Variants in ZFYVE9 observed in about 807,000 individuals in gnomAD.
The protein encoded by ZFYVE9 is zinc finger FYVE domain-containing protein 9.
ZFYVE9 carries 43 observed loss-of-function variants against 126.7 expected under a neutral mutation model. The ratio of observed to expected loss-of-function variants is 0.34; its 90% CI spans 0.27 to 0.44. ZFYVE9 has a LOEUF of 0.44. Among genes scored for constraint, ZFYVE9 ranks in the 20% least tolerant of loss-of-function variants. The pLI, the probability that ZFYVE9 is intolerant of heterozygous loss-of-function variation, is 1.00. For synonymous variants in ZFYVE9, 521 were observed against 597.4 expected (o/e 0.87, Z 1.87); for missense variants, 1,476 against 1,697.0 (o/e 0.87, Z 2.29).
rs1253931471 is a variant in ZFYVE9, at chr1:52,268,775, G to T, written c.2625+143G>T. The stretch of plus-strand genomic sequence containing the variant: ...GTGCACATATATGGATAAAGTAAAT[G>T]TGGCAAAAATCAGCTGCTGTTCTTT... On this transcript the variant is annotated intron_variant, in intron 7 of 18. Coordinates refer to ENST00000287727, the MANE Select transcript of ZFYVE9 (RefSeq NM_004799.4). 105 of 1,015,014 alleles carry T rather than the reference G, an allele frequency of 1.0e-4. No homozygotes were observed. In the East Asian group the frequency reaches 2.8e-3, roughly 27 times the overall value. The allele number at this position is 1,015,014 out of a possible 1,614,324, so 62.9% of individuals were successfully genotyped here.
At chr1:52,274,659 GA>G in intron 8 of ZFYVE9, 75 bp downstream of exon 8, 1 of 1,426,680 alleles carries the variant, frequency 7.0e-7, no homozygotes, top group Non-Finnish European at 9.4e-7. Flanking sequence ...TAGAGAGACA[GA>G]ATTTGAGTGA....
At chr1:52,321,881 G>T (rs955899003) in intron 13 of ZFYVE9, among the ~76,000 whole-genome samples, 2 of 152,128 alleles carry the variant, frequency 1.3e-5, no homozygotes, top group Admixed American at 6.6e-5. Flanking sequence ...ATTAGTTCTT[G>T]TAAGTCTTAT....
intron 12 of ZFYVE9, among the ~76,000 whole-genome samples, chr1:52,302,926 A>G (rs893111109): frequency 6.6e-6 from 1 of 152,072 alleles, no homozygotes; most frequent in Non-Finnish European, 1.5e-5. Context: ...TCTGGCCAAC[A>G]TGGTGAAACC....
intron 13 of ZFYVE9, among the ~76,000 whole-genome samples, chr1:52,308,732 G>T (rs570005336): frequency 6.6e-6 from 1 of 152,064 alleles, no homozygotes; most frequent in African/African-American, 2.4e-5. Context: ...CTCCCAACTG[G>T]GGTAACTCTA....
chr1:52,230,013 G>T (rs545222058), intron 2 of ZFYVE9, among the ~76,000 whole-genome samples: 1 of 151,988 alleles, frequency 6.6e-6, no homozygotes, highest in Non-Finnish European at 1.5e-5. Context: ...GACTACAGGC[G>T]CTTGCCACCA....
intron 1 of ZFYVE9, among the ~76,000 whole-genome samples, chr1:52,213,293 A>G (rs547069599): frequency 6.6e-6 from 1 of 152,298 alleles, no homozygotes; most frequent in South Asian, 2.1e-4. Flanking sequence ...ACTTTTAAGA[A>G]TGAATGCAAT....
intron 1 of ZFYVE9, among the ~76,000 whole-genome samples, chr1:52,200,803 C>G (rs1174246738): frequency 6.6e-6 from 1 of 152,148 alleles, no homozygotes; most frequent in Non-Finnish European, 1.5e-5. Context: ...CAAAGATCAG[C>G]TGACTATATT....
At chr1:52,342,267 C>CTTTT (rs35283062) in intron 17 of ZFYVE9, among the ~76,000 whole-genome samples, 1 of 133,214 alleles carries the variant, frequency 7.5e-6, no homozygotes, top group Admixed American at 7.9e-5. Flanking sequence ...TATATTTTGC[C>CTTTT]TTTTTTTTTT....
chr1:52,239,236 A>G lies in ZFYVE9; in HGVS notation c.1819A>G (p.Ser607Gly), dbSNP rs1024507881. Residue 607 changes from serine (S) to glycine (G), a missense_variant, in exon 4 of 19, where the codon AGT (serine) becomes GGT (glycine). This residue lies in a region of ZFYVE9 where 807 missense variants were observed against 794.6 expected (regional missense o/e 1.02). Coordinates refer to ENST00000287727, the MANE Select transcript of ZFYVE9 (RefSeq NM_004799.4). ...DHLQNDFPANSGNNTKNKNDI... is the reference protein window; with the variant it reads ...DHLQNDFPANGGNNTKNKNDI... ...TTTACAAAATGACTTTCCTGCAAAC[A>G]GTGGAAATAATACTAAAAATAAAAA... 6.2e-7 allele frequency: 1 copy of G among 1,614,034 alleles called. No individual in the cohort carries two copies. The highest frequency in any genetic ancestry group is 1.3e-5 in the African/African-American group (1 of 74,934).
chr1:52,334,646 C>T, intron 14 of ZFYVE9, 42 bp from the exon 15 acceptor site: 1 of 1,586,996 alleles, frequency 6.3e-7, no homozygotes, highest in Non-Finnish European at 8.6e-7. Context: ...ATCCCTCCAG[C>T]TTAGGGTCTG....
At chr1:52,186,374 G>C (rs1312980030) in intron 1 of ZFYVE9, among the ~76,000 whole-genome samples, 2 of 152,132 alleles carry the variant, frequency 1.3e-5, no homozygotes, top group Admixed American at 1.3e-4. Context: ...ATATTGAATG[G>C]GCAGGAGCTG....
At chr1:52,323,531 C>T (rs1286303586) in intron 13 of ZFYVE9, among the ~76,000 whole-genome samples, 2 of 152,204 alleles carry the variant, frequency 1.3e-5, no homozygotes, top group African/African-American at 4.8e-5. Flanking sequence ...ATACTCAATG[C>T]CCATTGGCTA....
intron 13 of ZFYVE9, among the ~76,000 whole-genome samples, chr1:52,307,514 G>T (rs893896726): frequency 1.3e-5 from 2 of 152,146 alleles, no homozygotes; most frequent in Non-Finnish European, 2.9e-5. Context: ...TAGAATTACA[G>T]GTGTGTGCCA....
intron 17 of ZFYVE9, among the ~76,000 whole-genome samples, chr1:52,342,911 A>AT (rs554181716): frequency 0.078 from 10,847 of 138,416 alleles, 1,113 homozygotes; most frequent in African/African-American, 0.24. Flanking sequence ...AGGCAAATTA[A>AT]TTTTTTTTTT....
rs528497187 is a variant in ZFYVE9, at chr1:52,274,498, A to G, written c.2660A>G (p.Gln887Arg). The part of the protein sequence containing the change: ...DICLFSGSIT[Q>R]VGSPVGSAMN... ...TGTCTATTCTCTGGGAGTATAACTC[A>G]GGTTGGAAGTCCTGTTGGAAGTGCA... Residue 887 changes from glutamine to arginine, a missense_variant, in exon 8 of 19, where the codon CAG (glutamine) becomes CGG (arginine). By Grantham distance (43) the Gln-to-Arg change is conservative. Transcript: ENST00000287727. The G allele has an allele frequency of 6.2e-6, 10 of 1,612,058 alleles. No individual in the cohort carries two copies. The highest frequency in any genetic ancestry group is 1.7e-6 in the Non-Finnish European group (2 of 1,178,654).
At chr1:52,234,213 G>A (rs1024076009) in intron 3 of ZFYVE9, among the ~76,000 whole-genome samples, 11 of 152,104 alleles carry the variant, frequency 7.2e-5, no homozygotes, top group Non-Finnish European at 1.5e-4. Flanking sequence ...ACAGGAAATG[G>A]CATTAACAAG....
chr1:52,186,419 A>G (rs949038483), intron 1 of ZFYVE9, among the ~76,000 whole-genome samples: 1 of 152,182 alleles, frequency 6.6e-6, no homozygotes, highest in African/African-American at 2.4e-5. Flanking sequence ...CAAGACAAGG[A>G]TGCCCTTTTT....
chr1:52,176,843 G>A (rs961246685), intron 1 of ZFYVE9, among the ~76,000 whole-genome samples: 44 of 152,330 alleles, frequency 2.9e-4, no homozygotes, highest in African/African-American at 1.0e-3. Context: ...AAGCCCGTCA[G>A]AAAAGCGCAG....
At chr1:52,180,975 CAA>C (rs746468501) in intron 1 of ZFYVE9, among the ~76,000 whole-genome samples, 745 of 53,272 alleles carry the variant, frequency 0.014, 9 homozygotes, top group African/African-American at 0.047. Context: ...AACTCCGTCT[CAA>C]AAAAAAAAAA....
Sources: gnomAD v4.1 joint callset for allele counts (sites outside exome capture counted in the v4.1 genomes callset) on GRCh38, gnomAD v4.1.1 for gene constraint, gnomAD v4.1.1 regional missense constraint, MANE v1.5 for transcripts, NCBI Gene and HGNC (gene_info 2026-07-23, HGNC 2026-07-21) for gene names.